PTBP2: variants seen among roughly 807,000 people sequenced by gnomAD.
The protein encoded by PTBP2 is polypyrimidine tract binding protein 2, also known as polypyrimidine tract-binding protein 2.
A neutral mutation model predicts 61.4 loss-of-function variants in PTBP2; 13 were observed. The observed-to-expected ratio is 0.21, with a 90% CI of 0.14 to 0.34. PTBP2 has a LOEUF of 0.34. Among genes scored for constraint, PTBP2 ranks in the 10% least tolerant of loss-of-function variants. The pLI is 1.00. For missense variants in PTBP2, 405 were observed against 642.6 expected (o/e 0.63, Z 4.00); for synonymous variants, 215 against 218.5 (o/e 0.98, Z 0.14).
At chr1:96,724,641 A>G (rs1429883511) in intron 2 of PTBP2, among the ~76,000 whole-genome samples, 2 of 145,800 alleles carry the variant, frequency 1.4e-5, no homozygotes, top group African/African-American at 2.5e-5. Flanking sequence ...TGACTGTTCA[A>G]ACATTTTTTC....
chr1:96,761,685 C>T (rs887917007), intron 3 of PTBP2, among the ~76,000 whole-genome samples: 4 of 151,292 alleles, frequency 2.6e-5, no homozygotes, highest in Admixed American at 6.6e-5. Flanking sequence ...AAAGGAGACT[C>T]GTTTTTGGTG....
At chr1:96,760,211 C>T (rs978026405) in intron 3 of PTBP2, among the ~76,000 whole-genome samples, 7 of 151,708 alleles carry the variant, frequency 4.6e-5, no homozygotes, top group Non-Finnish European at 7.4e-5. Context: ...TATGAGCAGC[C>T]CAATTTTTTT....
chr1:96,772,740 C>T (rs904134534), intron 5 of PTBP2, among the ~76,000 whole-genome samples: 7 of 152,098 alleles, frequency 4.6e-5, no homozygotes, highest in Admixed American at 3.9e-4. Context: ...TTTAATATCC[C>T]ATTTCTAGTT....
At chr1:96,725,463 C>A (rs1650292834) in intron 2 of PTBP2, among the ~76,000 whole-genome samples, 1 of 151,980 alleles carries the variant, frequency 6.6e-6, no homozygotes, top group African/African-American at 2.4e-5. Flanking sequence ...CCACGCCCGG[C>A]TAATTTTTTG....
At position 96,814,101 on chromosome 1, in the gene PTBP2, C is replaced by A. The variant is rs955879533; in HGVS notation, c.*696C>A. The A allele has an allele frequency of 6.6e-6, 1 of 152,306 alleles. No individual in the cohort carries two copies. Among genetic ancestry groups the A allele is most frequent in the South Asian group, 2.1e-4 (1 of 4,828 alleles). 9.4% of individuals were successfully genotyped at this position (152,306 alleles called of 1,614,324 possible). On this transcript the variant is annotated 3_prime_UTR_variant, in exon 14 of 14. Transcript: ENST00000674951. Reference sequence around the variant, plus strand: ...CAAAGTGATTTCTGTAAGTTTGAGCCCTATGTGGAAAGCATTGTGGAATCT... The same window carrying A: ...CAAAGTGATTTCTGTAAGTTTGAGCACTATGTGGAAAGCATTGTGGAATCT...
At chr1:96,723,485 T>C in intron 1 of PTBP2, 79 bp from the exon 2 acceptor site, 2 of 1,205,396 alleles carry the variant, frequency 1.7e-6, no homozygotes, top group Admixed American at 1.8e-5. Flanking sequence ...TGATGGACTA[T>C]CCTAAAAAGT....
chr1:96,780,578 G>T (rs766530189), intron 7 of PTBP2, among the ~76,000 whole-genome samples: 2 of 152,020 alleles, frequency 1.3e-5, no homozygotes, highest in Non-Finnish European at 2.9e-5. Context: ...GTGCACCATT[G>T]TCTTAAAATT....
In PTBP2 at chr1:96,728,859, A is replaced by G. The variant is rs530837804; in HGVS notation, c.39+5265A>G. On this transcript the variant is annotated intron_variant, in intron 2 of 13. Transcript: ENST00000674951. ...GTGCACACGTTTTGTGCATTGTTTG[A>G]TTAGATTTACCCATAAGTATTTTAT... 7.0e-5 allele frequency among the ~76,000 whole-genome samples: 10 copies of G among 142,170 alleles called. No homozygotes were observed. In the South Asian group the frequency reaches 1.8e-3, roughly 25 times the overall value. 93.3% of individuals were successfully genotyped at this position (142,170 alleles called of 152,430 possible). A position where few individuals can be genotyped will look rare whatever the true frequency, so the allele number is the denominator to read the frequency against.
intron 8 of PTBP2, among the ~76,000 whole-genome samples, chr1:96,802,038 C>T (rs1445788741): frequency 2.6e-5 from 4 of 150,968 alleles, no homozygotes; most frequent in African/African-American, 4.9e-5. Flanking sequence ...GGTGAAACCC[C>T]GTTTCTACTA....
At position 96,813,487 on chromosome 1, in the gene PTBP2, A is replaced by G. The variant is rs1488931977; in HGVS notation, c.*82A>G. The G allele has an allele frequency of 1.6e-6, 2 of 1,288,836 alleles. No homozygotes were observed. The highest frequency in any genetic ancestry group is 2.0e-6 in the Non-Finnish European group (2 of 976,240). 79.8% of individuals were successfully genotyped at this position (1,288,836 alleles called of 1,614,324 possible). ...GACTGTTCAGAAAAGTGGGGACCAG[A>G]GTTTGATTTTTTTTGTTTTTGTTTT... On this transcript the variant is annotated 3_prime_UTR_variant, in exon 14 of 14. Coordinates refer to ENST00000674951, the MANE Select transcript of PTBP2 (RefSeq NM_021190.4).
At chr1:96,792,862 C>T (rs187238745) in intron 8 of PTBP2, among the ~76,000 whole-genome samples, 2 of 151,830 alleles carry the variant, frequency 1.3e-5, no homozygotes, top group African/African-American at 4.8e-5. Flanking sequence ...CAAATAATAG[C>T]CATAAAATTA....
chr1:96,800,395 CTT>C (rs376568803), intron 8 of PTBP2, among the ~76,000 whole-genome samples: 44,111 of 124,830 alleles, frequency 0.35, 7,341 homozygotes, highest in East Asian at 0.45. Flanking sequence ...CATTCTCTGG[CTT>C]TTTTTTTTTT....
At chr1:96,757,643 A>G (rs560232429) in intron 3 of PTBP2, among the ~76,000 whole-genome samples, 40 of 152,314 alleles carry the variant, frequency 2.6e-4, no homozygotes, top group Admixed American at 2.5e-3. Flanking sequence ...AATAACTTCA[A>G]GTGTACATAG....
chr1:96,796,389 A>G (rs1399030730), intron 8 of PTBP2, among the ~76,000 whole-genome samples: 1 of 152,030 alleles, frequency 6.6e-6, no homozygotes, highest in Non-Finnish European at 1.5e-5. Context: ...ATATGTCTTT[A>G]TGAAGCAAGG....
intron 11 of PTBP2, among the ~76,000 whole-genome samples, chr1:96,811,898 A>G (rs747480729): frequency 9.9e-5 from 15 of 152,224 alleles, no homozygotes; most frequent in Non-Finnish European, 1.9e-4. Context: ...ATGTCAAGAA[A>G]TAGTCATGTA....
At chr1:96,791,221 G>GA (rs1184450212) in intron 8 of PTBP2, among the ~76,000 whole-genome samples, 1 of 152,116 alleles carries the variant, frequency 6.6e-6, no homozygotes, top group Non-Finnish European at 1.5e-5. Context: ...GTGATGAAGG[G>GA]AAAAACTACA....
chr1:96,802,218 A>G (rs1405831476), intron 8 of PTBP2, among the ~76,000 whole-genome samples: 13 of 149,608 alleles, frequency 8.7e-5, no homozygotes, highest in African/African-American at 2.7e-4. Context: ...CTCGAAAAAA[A>G]AAAAAAAAAA....
chr1:96,737,140 C>T (rs529589943), intron 2 of PTBP2, among the ~76,000 whole-genome samples: 6 of 151,866 alleles, frequency 4.0e-5, no homozygotes, highest in Non-Finnish European at 5.9e-5. Flanking sequence ...CCACCACACC[C>T]GGCTAATTTT....
Position 96,731,839 on chromosome 1 carries a change from G to C in PTBP2, c.39+8245G>C, listed in dbSNP as rs912319579. 2.6e-5 allele frequency among the ~76,000 whole-genome samples: 4 copies of C among 152,064 alleles called. No individual in the cohort carries two copies. The East Asian group carries it at 7.7e-4, about 29-fold the overall frequency. ...TTCTTCGTAATTTGTAATATCAGGG[G>C]TGTCATTTCTGTACTCTTAACCATT... On this transcript the variant is annotated intron_variant, in intron 2 of 13. Transcript: ENST00000674951.
Sources: allele counts gnomAD v4.1 joint callset (sites outside exome capture counted in the v4.1 genomes callset), GRCh38; gene constraint gnomAD v4.1.1; transcripts MANE v1.5; gene names NCBI Gene and HGNC (gene_info 2026-07-23, HGNC 2026-07-21).